Variants in ZNF22 observed in about 807,000 individuals in gnomAD.
ZNF22 encodes the protein krox-26 protein.
ZNF22 carries 15 observed loss-of-function variants against 17.0 expected under a neutral mutation model. The ratio of observed to expected loss-of-function variants is 0.88; its 90% CI spans 0.59 to 1.36. The LOEUF (loss-of-function observed/expected upper bound fraction) is 1.36. Among genes scored for constraint, ZNF22 ranks in the 40% most tolerant of loss-of-function variants. ZNF22 has a pLI of 0.00. For missense variants in ZNF22, 272 were observed against 276.1 expected (o/e 0.98, Z 0.11); for synonymous variants, 84 against 90.7 (o/e 0.93, Z 0.42).
intron 1 of ZNF22, chr10:45,002,591 A>G (rs1037881968): frequency 6.6e-6 from 1 of 152,228 alleles, no homozygotes; most frequent in African/African-American, 2.4e-5. Flanking sequence ...TTCTTGGATC[A>G]TTAGGATCTA....
rs1233180867 is a variant in ZNF22, at chr10:45,004,960, C to G, written c.*917C>G. On this transcript the variant is annotated 3_prime_UTR_variant, in exon 2 of 2. Transcript: ENST00000298299. ...TTTTACCAAGAAAAATCTCAGCTTG[C>G]TTACTGCTTAATTAAAAACCTACAA... The G allele has an allele frequency of 6.0e-6, 1 of 167,110 alleles. No individual in the cohort carries two copies. The highest frequency in any genetic ancestry group is 2.4e-5 in the African/African-American group (1 of 41,460). The allele number at this position is 167,110 out of a possible 1,614,324, so 10.4% of individuals were successfully genotyped here. A position where few individuals can be genotyped will look rare whatever the true frequency, so the allele number is the denominator to read the frequency against.
chr10:45,003,234 A>AT (rs1260961291), intron 1 of ZNF22, 46 bp from the exon 2 acceptor site: 20 of 728,916 alleles, frequency 2.7e-5, no homozygotes, highest in South Asian at 6.1e-5. Context: ...GATATCTGTA[A>AT]TTTTTTTTCT....
intron 1 of ZNF22, 144 bp downstream of exon 1, chr10:45,001,122 C>T (rs1230464635): frequency 6.6e-6 from 1 of 152,650 alleles, no homozygotes; most frequent in African/African-American, 2.4e-5. Flanking sequence ...AGGGCCTGGC[C>T]GCCGGGCGGG....
chr10:45,001,557 G>A (rs1367080787), intron 1 of ZNF22, among the ~76,000 whole-genome samples: 1 of 152,138 alleles, frequency 6.6e-6, no homozygotes, highest in African/African-American at 2.4e-5. Flanking sequence ...GCTATGCAAA[G>A]CACGGGTCGC....
rs1435771497 is a variant in ZNF22, at chr10:45,003,720, G to T, written c.352G>T (p.Glu118Ter). Residue 118 changes from glutamate (E) to a stop codon, truncating the protein, a stop_gained, in exon 2 of 2, where the codon GAA becomes TAA. Coordinates refer to ENST00000298299, the MANE Select transcript of ZNF22 (RefSeq NM_006963.5). LOFTEE classifies it high-confidence loss of function. Reference protein sequence around the residue: ...EKPYKCDECGESFKQSSNLIQ... With the variant: ...EKPYKCDECG ...GCCCTACAAATGTGATGAGTGTGGA[G>T]AAAGCTTCAAACAGAGCTCAAATCT... is the stretch of plus-strand genomic sequence containing the variant. 1 of 1,614,062 alleles carries T rather than the reference G, an allele frequency of 6.2e-7. No homozygotes were observed. Among genetic ancestry groups the T allele is most frequent in the Admixed American group, 1.7e-5 (1 of 60,010 alleles).
rs990456815 is a variant in ZNF22, at chr10:45,004,102, TGAAAG to T, written c.*63_*67del. 256 of 1,493,822 alleles carry T rather than the reference TGAAAG, an allele frequency of 1.7e-4. 1 individual carries two copies. The highest frequency in any genetic ancestry group is 2.0e-4 in the African/African-American group (14 of 71,150). The allele number at this position is 1,493,822 out of a possible 1,614,324, so 92.5% of individuals were successfully genotyped here. A position where few individuals can be genotyped will look rare whatever the true frequency, so the allele number is the denominator to read the frequency against. On this transcript the variant is annotated 3_prime_UTR_variant, in exon 2 of 2. Transcript: ENST00000298299. ...TTAAGAAAAAATAAAAAGTAAAAAA[TGAAAG>T]GAATCTTTTTTAGAAATAGAGATGC...
chr10:45,001,263 G>C (rs1215416572), intron 1 of ZNF22, among the ~76,000 whole-genome samples: 1 of 151,824 alleles, frequency 6.6e-6, no homozygotes, highest in Non-Finnish European at 1.5e-5. Context: ...GGCGCGGCCC[G>C]CGGCGGGTGG....
chr10:45,003,431 G>A lies in ZNF22; in HGVS notation c.63G>A (p.Glu21=). 2 of 1,614,132 alleles carry A rather than the reference G, an allele frequency of 1.2e-6. No individual in the cohort carries two copies. Among genetic ancestry groups the A allele is most frequent in the Non-Finnish European group, 1.7e-6 (2 of 1,180,008 alleles). Reference sequence around the variant, plus strand: ...GCTCAAGCCAAGGAAAGGCCTATGAGAACAAGCGCAAAACAGGCCGGCAGC... The same window carrying A: ...GCTCAAGCCAAGGAAAGGCCTATGAAAACAAGCGCAAAACAGGCCGGCAGC... ...SRSSSQGKAY[E]NKRKTGRQRQ... is the part of the protein sequence containing the mutation. The change falls in exon 2 of 2, where the codon GAG becomes GAA. Residue 21 remains glutamate (E), a synonymous_variant. Transcript: ENST00000298299.
intron 1 of ZNF22, among the ~76,000 whole-genome samples, chr10:45,001,309 G>T (rs1309845877): frequency 2.0e-5 from 3 of 152,074 alleles, no homozygotes; most frequent in Admixed American, 6.6e-5. Context: ...GGCCCCTTCC[G>T]TCGCTCGGAG....
Position 45,005,183 on chromosome 10 carries a change from C to G in ZNF22, c.*1140C>G, listed in dbSNP as rs897421086. 1.8e-5 allele frequency: 3 copies of G among 166,880 alleles called. No homozygotes were observed. Among genetic ancestry groups the G allele is most frequent in the African/African-American group, 7.2e-5 (3 of 41,450 alleles). The allele number at this position is 166,880 out of a possible 1,614,324, so 10.3% of individuals were successfully genotyped here. A position where few individuals can be genotyped will look rare whatever the true frequency, so the allele number is the denominator to read the frequency against. Reference sequence around the variant, plus strand: ...TGAGAATGGTGCCAAGTGTCAGACTCTAATGAGCCCTCAGCTCAGGTTTTA... The same window carrying G: ...TGAGAATGGTGCCAAGTGTCAGACTGTAATGAGCCCTCAGCTCAGGTTTTA... On this transcript the variant is annotated 3_prime_UTR_variant, in exon 2 of 2. Transcript: ENST00000298299.
In ZNF22 at chr10:45,004,357, C is replaced by A. The variant is rs1842357434; in HGVS notation, c.*314C>A. The A allele has an allele frequency of 1.3e-5, 3 of 226,404 alleles. No homozygotes were observed. Among genetic ancestry groups the A allele is most frequent in the Non-Finnish European group, 2.8e-5 (3 of 107,144 alleles). The allele number at this position is 226,404 out of a possible 1,614,324, so 14.0% of individuals were successfully genotyped here. On this transcript the variant is annotated 3_prime_UTR_variant, in exon 2 of 2. Coordinates refer to ENST00000298299, the MANE Select transcript of ZNF22 (RefSeq NM_006963.5). The stretch of plus-strand genomic sequence containing the variant: ...CAAAAACCATCATGTTTTGTAGATA[C>A]ATTTTGAGAAAAACCATCATGTTTT...
chr10:45,001,770 C>G (rs1272717367), intron 1 of ZNF22, among the ~76,000 whole-genome samples: 5 of 152,054 alleles, frequency 3.3e-5, no homozygotes, highest in African/African-American at 1.2e-4. Flanking sequence ...CTGGCACATA[C>G]TAGTATGATT....
At position 45,004,384 on chromosome 10, in the gene ZNF22, A is replaced by G. The variant is rs1371030652; in HGVS notation, c.*341A>G. The stretch of plus-strand genomic sequence containing the variant: ...TTTTGAGAAAAACCATCATGTTTTG[A>G]GGATACATTTGTGAAAGTGCAGGCA... On this transcript the variant is annotated 3_prime_UTR_variant, in exon 2 of 2. Transcript: ENST00000298299. 5.1e-6 allele frequency: 1 copy of G among 197,662 alleles called. No individual in the cohort carries two copies. The highest frequency in any genetic ancestry group is 1.1e-5 in the Non-Finnish European group (1 of 88,348). The allele number at this position is 197,662 out of a possible 1,614,324, so 12.2% of individuals were successfully genotyped here. A position where few individuals can be genotyped will look rare whatever the true frequency, so the allele number is the denominator to read the frequency against.
At chr10:45,001,186 G>T (rs1842327176) in intron 1 of ZNF22, among the ~76,000 whole-genome samples, 1 of 150,594 alleles carries the variant, frequency 6.6e-6, no homozygotes, top group Non-Finnish European at 1.5e-5. Flanking sequence ...CGGCGGGCGG[G>T]CCGGGTCAAT....
Position 45,000,945 on chromosome 10 carries a change from C to T in ZNF22, c.-123C>T. On this transcript the variant is annotated 5_prime_UTR_variant, in exon 1 of 2. Coordinates refer to ENST00000298299, the MANE Select transcript of ZNF22 (RefSeq NM_006963.5). ...CTCACTTCCGGCGGCGCGGGAGGCG[C>T]CCAGCGAGCCAGAGTGGTGGCTGGT... 1 of 1,049,834 alleles carries T rather than the reference C, an allele frequency of 9.5e-7. No individual in the cohort carries two copies. The highest frequency in any genetic ancestry group is 7.1e-5 in the East Asian group (1 of 14,120). 65.0% of individuals were successfully genotyped at this position (1,049,834 alleles called of 1,614,324 possible).
rs1842356882 is a variant in ZNF22, at chr10:45,004,310, C to T, written c.*267C>T. On this transcript the variant is annotated 3_prime_UTR_variant, in exon 2 of 2. Transcript: ENST00000298299. Reference sequence around the variant, plus strand: ...TGAGGGAGCATGACATCCTTGACCTCATTTGAAATTACTTCCATTTTCAAA... The same window carrying T: ...TGAGGGAGCATGACATCCTTGACCTTATTTGAAATTACTTCCATTTTCAAA... 2.9e-6 allele frequency: 1 copy of T among 342,976 alleles called. No homozygotes were observed. Among genetic ancestry groups the T allele is most frequent in the Non-Finnish European group, 5.5e-6 (1 of 182,286 alleles). 21.2% of individuals were successfully genotyped at this position (342,976 alleles called of 1,614,324 possible).
Position 45,004,614 on chromosome 10 carries a change from T to G in ZNF22, c.*571T>G, listed in dbSNP as rs1383299948. ...TTTAATCAGTAAGGCCTATCTATAT[T>G]AGTTGTCTTTTATTTCTTCTCCTTG... On this transcript the variant is annotated 3_prime_UTR_variant, in exon 2 of 2. Transcript: ENST00000298299. The G allele has an allele frequency of 6.5e-6, 1 of 154,256 alleles. No individual in the cohort carries two copies. The highest frequency in any genetic ancestry group is 2.5e-5 in the African/African-American group (1 of 40,222). The allele number at this position is 154,256 out of a possible 1,614,324, so 9.6% of individuals were successfully genotyped here.
Position 45,003,880 on chromosome 10 carries a change from A to T in ZNF22, c.512A>T (p.Glu171Val). 6.2e-7 allele frequency: 1 copy of T among 1,614,176 alleles called. No homozygotes were observed. The highest frequency in any genetic ancestry group is 8.5e-7 in the Non-Finnish European group (1 of 1,180,026). Residue 171 changes from glutamate (E) to valine (V), a missense_variant, in exon 2 of 2, where the codon GAA becomes GTA. Physicochemically the swap from Glu to Val is moderately radical, Grantham distance 121. Transcript: ENST00000298299. Reference protein sequence around the residue: ...HTGEKPYQCSECGKCFSQSSH... With the variant: ...HTGEKPYQCSVCGKCFSQSSH... Reference sequence around the variant, plus strand: ...GGGGAGAAACCCTACCAGTGCAGTGAATGTGGCAAATGTTTCAGTCAGAGC... The same window carrying T: ...GGGGAGAAACCCTACCAGTGCAGTGTATGTGGCAAATGTTTCAGTCAGAGC...
chr10:45,004,072 A>G lies in ZNF22; in HGVS notation c.*29A>G, dbSNP rs1842355167. 1.3e-6 allele frequency: 2 copies of G among 1,542,448 alleles called. No homozygotes were observed. The highest frequency in any genetic ancestry group is 8.7e-7 in the Non-Finnish European group (1 of 1,148,330). On this transcript the variant is annotated 3_prime_UTR_variant, in exon 2 of 2. Coordinates refer to ENST00000298299, the MANE Select transcript of ZNF22 (RefSeq NM_006963.5). The stretch of plus-strand genomic sequence containing the variant: ...TAGGGCTTTTTGACAGCTTTTTGAG[A>G]CCTCTTAAGAAAAAATAAAAAGTAA...
Sources: gnomAD v4.1 joint callset for allele counts (sites outside exome capture counted in the v4.1 genomes callset) on GRCh38, gnomAD v4.1.1 for gene constraint, MANE v1.5 for transcripts, NCBI Gene and HGNC (gene_info 2026-07-23, HGNC 2026-07-21) for gene names.